The following ANO4 variants were observed in gnomAD, a reference collection of about 807,000 sequenced individuals.
ANO4 encodes the protein anoctamin 4.
In ANO4, 69 loss-of-function variants were observed where a neutral mutation model predicts 141.9. That is an observed-to-expected ratio of 0.49 (90% CI 0.40 to 0.59). ANO4 has a LOEUF of 0.59. Among genes scored for constraint, ANO4 ranks in the 20% least tolerant of loss-of-function variants. The pLI is 0.00. For missense variants in ANO4, 894 were observed against 1,162.2 expected, an observed-to-expected ratio of 0.77 and a Z score of 3.36; for synonymous variants, 350 against 394.3, an observed-to-expected ratio of 0.89 and a Z score of 1.33.
At chr12:100,897,090 T>C in intron 1 of ANO4, among the ~76,000 whole-genome samples, 1 of 152,236 alleles carries the variant, frequency 6.6e-6, no homozygotes, top group East Asian at 1.9e-4. Flanking sequence ...TAGCCACTAC[T>C]TTGTACTAAC....
chr12:100,962,949 G>T (rs2043489993), intron 5 of ANO4, among the ~76,000 whole-genome samples: 1 of 152,142 alleles, frequency 6.6e-6, no homozygotes, highest in Non-Finnish European at 1.5e-5. Context: ...TTAAAAGGTA[G>T]AATCAATAAG....
At chr12:100,889,484 T>C (rs1463511740) in intron 1 of ANO4, among the ~76,000 whole-genome samples, 1 of 152,150 alleles carries the variant, frequency 6.6e-6, no homozygotes, top group African/African-American at 2.4e-5. Context: ...TGAACTAGTT[T>C]ACTACTCATC....
chr12:100,717,398 C>T, upstream of ANO4: 2 of 361,034 alleles, frequency 5.5e-6, no homozygotes, highest in Non-Finnish European at 9.9e-6. Context: ...GCGTGCTCAG[C>T]CGCGGAGCGC....
At chr12:100,999,138 T>G (rs1252053139) in intron 8 of ANO4, among the ~76,000 whole-genome samples, 3 of 152,220 alleles carry the variant, frequency 2.0e-5, no homozygotes, top group African/African-American at 7.2e-5. Context: ...CTTAACTGTT[T>G]AAAACAACAA....
chr12:100,763,495 A>G (rs1329402507), intron 3 of ANO4, among the ~76,000 whole-genome samples: 1 of 152,208 alleles, frequency 6.6e-6, no homozygotes, highest in Non-Finnish European at 1.5e-5. Context: ...AGTGCTTTTG[A>G]CTAGCCCTTG....
chr12:101,084,124 C>T (rs11831320), intron 16 of ANO4, among the ~76,000 whole-genome samples: 18 of 152,128 alleles, frequency 1.2e-4, no homozygotes, highest in Non-Finnish European at 2.1e-4. Context: ...TGAAAGGAGT[C>T]AAAAATGTGA....
intron 5 of ANO4, among the ~76,000 whole-genome samples, chr12:100,946,292 A>G (rs1194460449): frequency 1.3e-5 from 2 of 152,200 alleles, no homozygotes; most frequent in African/African-American, 4.8e-5. Context: ...GAGCAGAAAT[A>G]TAAGATCTGT....
At chr12:100,789,418 A>T (rs990323277) in intron 3 of ANO4, among the ~76,000 whole-genome samples, 1 of 152,202 alleles carries the variant, frequency 6.6e-6, no homozygotes, top group South Asian at 2.1e-4. Context: ...AAAATTTGCA[A>T]TGGCTTTTTT....
chr12:101,052,206 C>T (rs926748018), intron 14 of ANO4, among the ~76,000 whole-genome samples: 2 of 152,136 alleles, frequency 1.3e-5, no homozygotes, highest in African/African-American at 4.8e-5. Flanking sequence ...TGACAGAACT[C>T]TACTACCTTT....
chr12:100,869,878 C>T (rs917627050), intron 1 of ANO4, among the ~76,000 whole-genome samples: 17 of 151,870 alleles, frequency 1.1e-4, no homozygotes, highest in African/African-American at 3.1e-4. Flanking sequence ...CAGCATCTCC[C>T]CTTCCACCTG....
At chr12:101,081,981 A>G (rs1035134548) in intron 15 of ANO4, among the ~76,000 whole-genome samples, 4 of 152,176 alleles carry the variant, frequency 2.6e-5, no homozygotes, top group African/African-American at 9.7e-5. Context: ...GGTCACATTC[A>G]GTACTGCGGG....
intron 3 of ANO4, among the ~76,000 whole-genome samples, chr12:100,764,858 A>T (rs1042862545): frequency 4.6e-5 from 7 of 152,214 alleles, no homozygotes; most frequent in African/African-American, 1.7e-4. Context: ...TGTTTAATTC[A>T]TTGTGCTGAT....
intron 1 of ANO4, among the ~76,000 whole-genome samples, chr12:100,855,045 A>C (rs2135865617): frequency 6.6e-6 from 1 of 152,148 alleles, no homozygotes; most frequent in South Asian, 2.1e-4. Flanking sequence ...TAAGTTCTAA[A>C]GTCTAAATCT....
At chr12:100,810,973 A>G (rs2035392628) in intron 1 of ANO4, among the ~76,000 whole-genome samples, 3 of 152,314 alleles carry the variant, frequency 2.0e-5, no homozygotes, top group Non-Finnish European at 4.4e-5. Flanking sequence ...AATAGGGTCA[A>G]TCAGAAGTAC....
rs2035683576 is a variant in ANO4, at chr12:100,815,533, C to CTG, written c.-141+20507_-141+20508insGT. ...TGCAAAATCCATGGTATTTCATTTA[C>CTG]TATACTGCCATTTACTTTCTTATTT... On this transcript the variant is annotated intron_variant, in intron 1 of 27. Coordinates refer to ENST00000392977, the MANE Select transcript of ANO4 (RefSeq NM_001286615.2). Among the ~76,000 whole-genome samples the CTG allele has an allele frequency of 3.3e-5, 5 of 152,152 alleles. No homozygotes were observed. The South Asian group carries it at 1.0e-3, about 32-fold the overall frequency.
intron 1 of ANO4, among the ~76,000 whole-genome samples, chr12:100,868,301 T>G (rs1275099787): frequency 6.6e-6 from 1 of 152,166 alleles, no homozygotes; most frequent in Non-Finnish European, 1.5e-5. Flanking sequence ...TCAGTGGAAC[T>G]TGGTGAGAGG....
chr12:100,820,500 G>A (rs1383510523), intron 1 of ANO4, among the ~76,000 whole-genome samples: 1 of 151,992 alleles, frequency 6.6e-6, no homozygotes, highest in Non-Finnish European at 1.5e-5. Context: ...CTCAAGGAAA[G>A]CCAAATGCAT....
chr12:100,859,161 T>C (rs1214677289), intron 1 of ANO4: 1 of 152,156 alleles, frequency 6.6e-6, no homozygotes, highest in East Asian at 1.9e-4. Flanking sequence ...TCCGTGCTAG[T>C]ATAGTTCGGT....
chr12:101,007,781 G>A (rs968664986), intron 8 of ANO4, among the ~76,000 whole-genome samples: 9 of 152,090 alleles, frequency 5.9e-5, no homozygotes, highest in Admixed American at 3.9e-4. Flanking sequence ...GCACAGCTGC[G>A]TGATCATAGC....
Sources: gnomAD v4.1 joint callset for allele counts (sites outside exome capture counted in the v4.1 genomes callset) on GRCh38, gnomAD v4.1.1 for gene constraint, MANE v1.5 for transcripts, NCBI Gene and HGNC (gene_info 2026-07-23, HGNC 2026-07-21) for gene names.